Variants in KAT6B observed in about 807,000 individuals in gnomAD.
KAT6B encodes the protein histone acetyltransferase KAT6B.
KAT6B carries 10 observed loss-of-function variants against 187.5 expected under a neutral mutation model. The ratio of observed to expected loss-of-function variants is 0.05; its 90% CI spans 0.03 to 0.09. The LOEUF (loss-of-function observed/expected upper bound fraction) is 0.09, where lower values mean the gene tolerates loss of function less well. KAT6B is among the 10% of genes least tolerant of loss of function. The pLI is 1.00. For missense variants in KAT6B, 1,952 were observed against 2,558.9 expected, an observed-to-expected ratio of 0.76 and a Z score of 5.12; for synonymous variants, 861 against 926.8, an observed-to-expected ratio of 0.93 and a Z score of 1.29.
At chr10:74,839,718 G>C (rs1239236072) in intron 2 of KAT6B, among the ~76,000 whole-genome samples, 1 of 152,198 alleles carries the variant, frequency 6.6e-6, no homozygotes, top group Non-Finnish European at 1.5e-5. Flanking sequence ...CTTGGATACA[G>C]TGAAATATCT....
At chr10:74,827,770 G>C in intron 1 of KAT6B, among the ~76,000 whole-genome samples, 1 of 152,190 alleles carries the variant, frequency 6.6e-6, no homozygotes, top group Admixed American at 6.5e-5. Flanking sequence ...CAGGGGTGAG[G>C]ATGGGGCAGA....
At chr10:74,833,317 C>A (rs1841021568) in intron 1 of KAT6B, among the ~76,000 whole-genome samples, 1 of 152,052 alleles carries the variant, frequency 6.6e-6, no homozygotes, top group Admixed American at 6.5e-5. Context: ...AGTGAAAGTG[C>A]TTAGTTATAA....
intron 3 of KAT6B, among the ~76,000 whole-genome samples, chr10:74,891,617 AATT>A (rs1378413575): frequency 6.6e-6 from 1 of 152,250 alleles, no homozygotes; most frequent in Non-Finnish European, 1.5e-5. Context: ...GACATTAAAA[AATT>A]AAATAATCTC....
rs770958025 is a variant in KAT6B, at chr10:75,030,882, C to G, written c.6058C>G (p.Pro2020Ala). The G allele has an allele frequency of 2.5e-6, 4 of 1,614,058 alleles. No homozygotes were observed. Among genetic ancestry groups the G allele is most frequent in the Non-Finnish European group, 3.4e-6 (4 of 1,180,048 alleles). ...HGYMNQTPQY[P>A]MQMQMGMMGT... ...CTATATGAATCAAACGCCCCAATAC[C>G]CTATGCAGATGCAGATGGGCATGAT... The change falls in exon 18 of 18, where the codon CCT becomes GCT. Residue 2020 changes from proline (P) to alanine (A), a missense_variant. Pro to Ala is a conservative substitution (Grantham distance 27, BLOSUM62 -1). Around this residue, in one of 9 missense-constraint regions of KAT6B, gnomAD observed 358 missense variants for 436.3 expected, o/e 0.82. Coordinates refer to ENST00000287239, the MANE Select transcript of KAT6B (RefSeq NM_012330.4). The surrounding 1 kb of genome is among the most constrained non-coding windows in gnomAD (Gnocchi z 4.8).
chr10:74,844,532 C>T (rs781581145), intron 3 of KAT6B, among the ~76,000 whole-genome samples: 2 of 152,172 alleles, frequency 1.3e-5, no homozygotes, highest in African/African-American at 4.8e-5. Flanking sequence ...TATTTTAATA[C>T]GTCACCTAAA....
rs2133568506 is a variant in KAT6B at position 74,963,858 on chromosome 10, TCA to T, written c.730+3782_730+3783del. ...AAGAAAAGAGGCCAGGCGCTGTGGC[TCA>T]CGCCTGTAGTCCCAGCACTTTGGGA... is the stretch of plus-strand genomic sequence containing the variant. On this transcript the variant is annotated intron_variant, in intron 4 of 17. Transcript: ENST00000287239. 2.0e-5 allele frequency among the ~76,000 whole-genome samples: 3 copies of T among 152,200 alleles called. No individual in the cohort carries two copies. In the South Asian group the frequency reaches 6.2e-4, roughly 32 times the overall value.
chr10:74,910,614 C>CT (rs140362476), intron 3 of KAT6B, among the ~76,000 whole-genome samples: 16,261 of 147,326 alleles, frequency 0.11, 1,987 homozygotes, highest in African/African-American at 0.3. Context: ...CACATTTTTT[C>CT]TTTTTTTTTT....
At chr10:74,955,036 T>C (rs1348830768) in intron 3 of KAT6B, among the ~76,000 whole-genome samples, 1 of 152,208 alleles carries the variant, frequency 6.6e-6, no homozygotes, top group Non-Finnish European at 1.5e-5. Context: ...CTCACCCCTC[T>C]ACCACCACTG....
intron 3 of KAT6B, among the ~76,000 whole-genome samples, chr10:74,880,995 C>T (rs1172433283): frequency 2.6e-5 from 4 of 151,198 alleles, no homozygotes; most frequent in African/African-American, 9.8e-5. Context: ...GCAGTCTTGG[C>T]TCACTGCAAC....
chr10:74,836,358 G>T (rs1841307830), intron 1 of KAT6B, among the ~76,000 whole-genome samples: 1 of 152,178 alleles, frequency 6.6e-6, no homozygotes, highest in Non-Finnish European at 1.5e-5. Flanking sequence ...GAACCATATG[G>T]TAATTCTGTG....
chr10:74,857,989 C>G (rs1842923132), intron 3 of KAT6B, among the ~76,000 whole-genome samples: 1 of 152,022 alleles, frequency 6.6e-6, no homozygotes, highest in African/African-American at 2.4e-5. Context: ...TGCCACTGCA[C>G]TCTAGCCTGG....
chr10:74,844,508 T>G (rs1364403997), intron 3 of KAT6B, among the ~76,000 whole-genome samples: 1 of 152,256 alleles, frequency 6.6e-6, no homozygotes, highest in African/African-American at 2.4e-5. Context: ...TGATAATCTA[T>G]GCATGTAAGA....
At chr10:74,916,597 G>A (rs1847700338) in intron 3 of KAT6B, among the ~76,000 whole-genome samples, 1 of 152,082 alleles carries the variant, frequency 6.6e-6, no homozygotes, top group African/African-American at 2.4e-5. Context: ...GCTATTGACT[G>A]TACGGGCCAT....
At chr10:74,878,196 C>T (rs1844563926) in intron 3 of KAT6B, among the ~76,000 whole-genome samples, 1 of 152,100 alleles carries the variant, frequency 6.6e-6, no homozygotes, top group Non-Finnish European at 1.5e-5. Flanking sequence ...CTATTTGTTC[C>T]CTTAAGAAAC....
At chr10:74,896,452 G>C (rs1845995220) in intron 3 of KAT6B, among the ~76,000 whole-genome samples, 1 of 152,062 alleles carries the variant, frequency 6.6e-6, no homozygotes, top group Non-Finnish European at 1.5e-5. Context: ...ACCACGCCCA[G>C]CTAATTTTTG....
At chr10:74,888,911 A>G (rs936289392) in intron 3 of KAT6B, among the ~76,000 whole-genome samples, 1 of 152,222 alleles carries the variant, frequency 6.6e-6, no homozygotes, top group African/African-American at 2.4e-5. Flanking sequence ...ATATAAAATT[A>G]TTACATTTAT....
At chr10:75,011,567 C>A (rs1564620166) in intron 13 of KAT6B, among the ~76,000 whole-genome samples, 1 of 152,154 alleles carries the variant, frequency 6.6e-6, no homozygotes, top group Non-Finnish European at 1.5e-5. Flanking sequence ...AAAATTCTTG[C>A]CTTCCCCAAT....
chr10:74,968,692 A>G (rs1841646302), intron 4 of KAT6B, among the ~76,000 whole-genome samples: 1 of 152,168 alleles, frequency 6.6e-6, no homozygotes, highest in African/African-American at 2.4e-5. Flanking sequence ...TGTTCTTACT[A>G]TTTAAAGACC....
intron 3 of KAT6B, among the ~76,000 whole-genome samples, chr10:74,934,100 C>T (rs1212555458): frequency 2.7e-5 from 4 of 149,298 alleles, no homozygotes; most frequent in African/African-American, 7.5e-5. Flanking sequence ...GCAGGAGAAT[C>T]GCTTGAACCT....
Sources: gnomAD v4.1 joint callset for allele counts (sites outside exome capture counted in the v4.1 genomes callset) on GRCh38, gnomAD v4.1.1 for gene constraint, gnomAD v4.1.1 regional missense constraint, Gnocchi (gnomAD v3.1) non-coding constraint, MANE v1.5 for transcripts, NCBI Gene and HGNC (gene_info 2026-07-23, HGNC 2026-07-21) for gene names.